The following GAK variants were observed in gnomAD, a reference collection of about 807,000 sequenced individuals.
GAK encodes cyclin G associated kinase, also known as cyclin-G-associated kinase.
GAK carries 79 observed loss-of-function variants against 143.9 expected under a neutral mutation model. The observed-to-expected ratio is 0.55, with a 90% CI of 0.46 to 0.66. The LOEUF (loss-of-function observed/expected upper bound fraction) is 0.66, where lower values mean the gene tolerates loss of function less well. Among genes scored for constraint, GAK ranks in the 30% least tolerant of loss-of-function variants. The pLI, the probability that GAK is intolerant of heterozygous loss-of-function variation, is 0.00. For missense variants in GAK, 1,693 were observed against 1,779.7 expected, an observed-to-expected ratio of 0.95 and a Z score of 0.88; for synonymous variants, 881 against 765.5, an observed-to-expected ratio of 1.15 and a Z score of -2.49.
intron 12 of GAK, among the ~76,000 whole-genome samples, chr4:883,777 G>A (rs1308083995): frequency 2.0e-5 from 3 of 152,244 alleles, no homozygotes; most frequent in Middle Eastern, 3.2e-3. Flanking sequence ...GGTTTTCCAC[G>A]GACACGGCCT....
intron 24 of GAK, among the ~76,000 whole-genome samples, chr4:856,297 C>CCCTGCTCACCACAGCTGCTCACA (rs1280535059): frequency 3.8e-5 from 5 of 130,158 alleles, no homozygotes; most frequent in African/African-American, 7.5e-5. Flanking sequence ...AGCTGCTCAC[C>CCCTGCTCACCACAGCTGCTCACA]CCTGCTCACC....
intron 9 of GAK, among the ~76,000 whole-genome samples, 165 bp downstream of exon 9, chr4:893,212 C>T (rs1041988516): frequency 6.6e-6 from 1 of 152,096 alleles, no homozygotes. Context: ...CGTGTGCCTC[C>T]CTCCCCTCTG....
intron 4 of GAK, among the ~76,000 whole-genome samples, chr4:909,911 C>T (rs1360547710): frequency 1.3e-5 from 2 of 152,166 alleles, no homozygotes; most frequent in African/African-American, 4.8e-5. Flanking sequence ...AGCATCTCCT[C>T]AGCCTGCAGG....
chr4:895,481 C>T (rs549742185), intron 7 of GAK, among the ~76,000 whole-genome samples: 6 of 152,242 alleles, frequency 3.9e-5, no homozygotes, highest in Non-Finnish European at 8.8e-5. Flanking sequence ...CATCCTTCCA[C>T]ACTCCTCAAG....
chr4:849,830 C>CCGGGGGGGGGGGGGGGG, intron 27 of GAK, 56 bp from the exon 28 acceptor site: 8 of 1,172,348 alleles, frequency 6.8e-6, no homozygotes, highest in South Asian at 1.3e-5. Flanking sequence ...GCGGGCGGGG[C>CCGGGGGGGGGGGGGGGG]AGGACCCCCC....
Position 852,013 on chromosome 4 carries a change from C to T in GAK, c.3284-39G>A, listed in dbSNP as rs200295882. On this transcript the variant is annotated intron_variant, in intron 24 of 27. Transcript: ENST00000314167. The stretch of plus-strand genomic sequence containing the variant: ...GATCGGAAACTCGGCATCTGGTTGT[C>T]CATGAGGGGCAACTACTGTTTCTAT... 577 of 1,516,508 alleles carry T rather than the reference C, an allele frequency of 3.8e-4. 4 individuals carry two copies. In the African/African-American group the frequency reaches 6.3e-3, roughly 17 times the overall value. The allele number at this position is 1,516,508 out of a possible 1,614,324, so 93.9% of individuals were successfully genotyped here. A position where few individuals can be genotyped will look rare whatever the true frequency, so the allele number is the denominator to read the frequency against.
intron 1 of GAK, 138 bp from the exon 2 acceptor site, chr4:913,806 G>A (rs1577291352): frequency 2.8e-6 from 2 of 707,966 alleles, no homozygotes; most frequent in East Asian, 5.5e-5. Flanking sequence ...AATGGCCCCA[G>A]CGTACACGCC....
At chr4:882,256 G>T (rs1715294198) in intron 14 of GAK, among the ~76,000 whole-genome samples, 1 of 152,218 alleles carries the variant, frequency 6.6e-6, no homozygotes, top group Non-Finnish European at 1.5e-5. Flanking sequence ...ACAGGGCTAG[G>T]GCCACTCCAA....
intron 11 of GAK, among the ~76,000 whole-genome samples, chr4:884,657 G>A (rs908170685): frequency 6.6e-6 from 1 of 152,254 alleles, no homozygotes; most frequent in Admixed American, 6.5e-5. Flanking sequence ...CGGTAACACA[G>A]AGATCAAAAC....
At chr4:915,199 C>G (rs932538416) in intron 1 of GAK, among the ~76,000 whole-genome samples, 2 of 150,696 alleles carry the variant, frequency 1.3e-5, no homozygotes, top group Non-Finnish European at 3.0e-5. Context: ...TACACGGCCC[C>G]GTGCACTCAG....
intron 11 of GAK, among the ~76,000 whole-genome samples, chr4:884,740 G>A (rs1403641175): frequency 6.6e-6 from 1 of 152,218 alleles, no homozygotes; most frequent in Non-Finnish European, 1.5e-5. Context: ...TGTAAGAATG[G>A]CCAAGCTGTT....
chr4:880,056 T>C (rs1219903283), intron 15 of GAK, among the ~76,000 whole-genome samples: 2 of 150,326 alleles, frequency 1.3e-5, no homozygotes, highest in Non-Finnish European at 1.5e-5. Flanking sequence ...CACTGGACCA[T>C]GCACCCTGCA....
chr4:915,436 AAG>A (rs1399265351), intron 1 of GAK: 1 of 153,460 alleles, frequency 6.5e-6, no homozygotes, highest in Non-Finnish European at 1.5e-5. Flanking sequence ...TACCCAGAAC[AAG>A]AGAGGGGACC....
intron 19 of GAK, chr4:869,235 A>AGC (rs1317266315): frequency 1.3e-5 from 2 of 150,228 alleles, no homozygotes; most frequent in African/African-American, 5.1e-5. Context: ...ATGCACAGAC[A>AGC]GCACACACAC....
intron 2 of GAK, 55 bp downstream of exon 2, chr4:913,552 G>T: frequency 7.5e-7 from 1 of 1,340,580 alleles, no homozygotes; most frequent in Non-Finnish European, 1.1e-6. Context: ...ACTGTCACCA[G>T]ACAGTCCCTT....
At chr4:902,234 C>T (rs936503430) in intron 5 of GAK, among the ~76,000 whole-genome samples, 5 of 143,158 alleles carry the variant, frequency 3.5e-5, no homozygotes, top group African/African-American at 1.0e-4. Context: ...AAGACTCCGC[C>T]TAAAAAAAAA....
At position 867,067 on chromosome 4, in the gene GAK, C is replaced by A; in HGVS notation, c.2761G>T (p.Ala921Ser). ...AGATCCTCCGGGGGCCCCTGGGAGG[C>A]GGCCTCAGGGGGCCCAAGGAGGCAG... ...LSCLLGPPEA[A>S]SQGPPEDLLS... Residue 921 changes from alanine (A) to serine (S), a missense_variant, in exon 21 of 28, where the codon GCC becomes TCC. By Grantham distance (99) the Ala-to-Ser change is moderately conservative. Around this residue, in one of 2 missense-constraint regions of GAK, gnomAD observed 822 missense variants for 788.7 expected, o/e 1.04. Coordinates refer to ENST00000314167, the MANE Select transcript of GAK (RefSeq NM_005255.4). The A allele has an allele frequency of 6.5e-7, 1 of 1,530,982 alleles. No individual in the cohort carries two copies. Among genetic ancestry groups the A allele is most frequent in the South Asian group, 1.3e-5 (1 of 78,852 alleles). 94.8% of individuals were successfully genotyped at this position (1,530,982 alleles called of 1,614,324 possible). A position where few individuals can be genotyped will look rare whatever the true frequency, so the allele number is the denominator to read the frequency against.
chr4:903,425 C>T (rs1054486105), intron 5 of GAK, among the ~76,000 whole-genome samples: 1 of 152,176 alleles, frequency 6.6e-6, no homozygotes. Flanking sequence ...CGGCCCCCGA[C>T]CCCAGCGCCT....
intron 23 of GAK, among the ~76,000 whole-genome samples, chr4:862,130 G>C (rs1187873381): frequency 6.6e-6 from 1 of 150,856 alleles, no homozygotes; most frequent in Non-Finnish European, 1.5e-5. Flanking sequence ...CTAAGATCCA[G>C]CTGAGACCAC....
Sources: gnomAD v4.1 joint callset for allele counts (sites outside exome capture counted in the v4.1 genomes callset) on GRCh38, gnomAD v4.1.1 for gene constraint, gnomAD v4.1.1 regional missense constraint, MANE v1.5 for transcripts, NCBI Gene and HGNC (gene_info 2026-07-23, HGNC 2026-07-21) for gene names.